The following DPY19L2 variants were observed in gnomAD, a reference collection of about 807,000 sequenced individuals.
DPY19L2 encodes the protein probable C-mannosyltransferase DPY19L2.
Under a neutral mutation model 97.9 loss-of-function variants are expected in DPY19L2, and 34 were observed. The observed-to-expected ratio is 0.35, with a 90% confidence interval of 0.26 to 0.46. The LOEUF (loss-of-function observed/expected upper bound fraction) is 0.46. DPY19L2 is among the 20% of genes least tolerant of loss of function. The pLI, the probability that DPY19L2 is intolerant of heterozygous loss-of-function variation, is 1.00. For synonymous variants in DPY19L2, 230 were observed against 307.9 expected (o/e 0.75, Z 2.65); for missense variants, 623 against 911.4 (o/e 0.68, Z 4.07).
At chr12:63,639,051 A>T (rs559446540) in intron 6 of DPY19L2, among the ~76,000 whole-genome samples, 1 of 152,176 alleles carries the variant, frequency 6.6e-6, no homozygotes, top group Admixed American at 6.5e-5. Flanking sequence ...ATAATGCTGC[A>T]TATCTACAAC....
intron 6 of DPY19L2, among the ~76,000 whole-genome samples, chr12:63,630,123 T>TA (rs1890325619): frequency 6.6e-6 from 1 of 152,066 alleles, no homozygotes; most frequent in Non-Finnish European, 1.5e-5. Flanking sequence ...TGCCAAATTG[T>TA]AAAGACCATC....
rs141376814 is a variant in DPY19L2, at chr12:63,560,476, C to T, written c.*36G>A. 1,144 of 1,594,656 alleles carry T rather than the reference C, an allele frequency of 7.2e-4. 7 individuals are homozygous for T. In the African/African-American group the frequency reaches 0.012, roughly 17 times the overall value. On this transcript the variant is annotated 3_prime_UTR_variant, in exon 22 of 22. Coordinates refer to ENST00000324472, the MANE Select transcript of DPY19L2 (RefSeq NM_173812.5). The stretch of plus-strand genomic sequence containing the variant: ...CCAAAGGGTGATTGTTTTTGACACA[C>T]GGCATTGTGCCATAGTAAAATGGGT...
At chr12:63,562,438 G>GTTTCCAGTTTGGGGCTAATACAGCATACT (rs1353874101) in intron 21 of DPY19L2, among the ~76,000 whole-genome samples, 1 of 152,026 alleles carries the variant, frequency 6.6e-6, no homozygotes, top group African/African-American at 2.4e-5. Flanking sequence ...ATAAATAAGT[G>GTTTCCAGTTTGGGGCTAATACAGCATACT]GATTGTTTCC....
chr12:63,656,363 T>C (rs1316933474), intron 4 of DPY19L2, among the ~76,000 whole-genome samples: 3 of 152,176 alleles, frequency 2.0e-5, no homozygotes, highest in African/African-American at 4.8e-5. Flanking sequence ...CCCTAGTCTA[T>C]TCATTCTGTT....
chr12:63,572,050 T>C (rs1053225060), intron 19 of DPY19L2, among the ~76,000 whole-genome samples: 3 of 152,148 alleles, frequency 2.0e-5, no homozygotes, highest in African/African-American at 7.2e-5. Context: ...AAAAGCACTT[T>C]CATAAGAACC....
At chr12:63,569,167 T>A in intron 21 of DPY19L2, 57 bp downstream of exon 21, 1 of 1,526,944 alleles carries the variant, frequency 6.5e-7, no homozygotes, top group Non-Finnish European at 8.7e-7. Context: ...TATAATAAAG[T>A]GAAACATTTG....
chr12:63,667,045 T>C (rs115790169), intron 1 of DPY19L2, among the ~76,000 whole-genome samples: 2,662 of 152,278 alleles, frequency 0.017, 99 homozygotes, highest in African/African-American at 0.061. Flanking sequence ...TCTTAAATAC[T>C]TCTCGGAAGA....
chr12:63,641,864 TATCAG>T (rs1477721793), intron 6 of DPY19L2, among the ~76,000 whole-genome samples: 2 of 152,166 alleles, frequency 1.3e-5, no homozygotes, highest in Non-Finnish European at 2.9e-5. Context: ...TCTTGAATGT[TATCAG>T]ATAATGTACA....
chr12:63,580,545 T>G, intron 19 of DPY19L2, 117 bp downstream of exon 19: 1 of 1,084,180 alleles, frequency 9.2e-7, no homozygotes, highest in Non-Finnish European at 1.3e-6. Context: ...TGCCTATTTG[T>G]AAATCTGTCA....
At chr12:63,601,951 G>C in intron 12 of DPY19L2, among the ~76,000 whole-genome samples, 1 of 151,928 alleles carries the variant, frequency 6.6e-6, no homozygotes, top group Admixed American at 6.6e-5. Context: ...ACTTGGACTA[G>C]AAAACACAAA....
chr12:63,664,349 C>CA (rs147843833), intron 2 of DPY19L2, among the ~76,000 whole-genome samples: 23,837 of 149,608 alleles, frequency 0.16, 2,162 homozygotes, highest in East Asian at 0.28. Context: ...AAAAAACAAA[C>CA]AAAAAAAAAC....
intron 6 of DPY19L2, among the ~76,000 whole-genome samples, chr12:63,630,041 A>T (rs536267526): frequency 3.0e-4 from 45 of 152,270 alleles, no homozygotes; most frequent in African/African-American, 9.6e-4. Context: ...CCACCAGGCC[A>T]GCCCTAAAAG....
intron 4 of DPY19L2, among the ~76,000 whole-genome samples, chr12:63,649,760 G>A (rs575728432): frequency 2.8e-4 from 43 of 152,164 alleles, no homozygotes; most frequent in South Asian, 1.7e-3. Context: ...AAAGGAGAGC[G>A]GATACCAATC....
intron 2 of DPY19L2, among the ~76,000 whole-genome samples, chr12:63,664,711 G>T (rs1014575952): frequency 6.6e-6 from 1 of 152,136 alleles, no homozygotes; most frequent in Non-Finnish European, 1.5e-5. Flanking sequence ...ATTAGCTATG[G>T]TCAACAATTA....
intron 9 of DPY19L2, among the ~76,000 whole-genome samples, chr12:63,618,729 C>T (rs796822928): frequency 1.9e-4 from 29 of 152,240 alleles, no homozygotes; most frequent in African/African-American, 6.7e-4. Context: ...TACGGATCAT[C>T]TCAATCTGAT....
rs1371561416 is a variant in DPY19L2 at position 63,661,555 on chromosome 12, A to T, written c.451-74T>A. The T allele has an allele frequency of 3.6e-6, 4 of 1,122,446 alleles. No individual in the cohort carries two copies. The African/African-American group carries it at 9.6e-5, about 27-fold the overall frequency. 69.5% of individuals were successfully genotyped at this position (1,122,446 alleles called of 1,614,324 possible). ...ATATTTATTTTTATCACTTCTTTAG[A>T]ACTTTTTTTCTGAAAAAAAAAAAAG... On this transcript the variant is annotated intron_variant, in intron 3 of 21. Transcript: ENST00000324472.
At chr12:63,650,476 T>TA (rs1390914784) in intron 4 of DPY19L2, among the ~76,000 whole-genome samples, 2 of 152,106 alleles carry the variant, frequency 1.3e-5, no homozygotes, top group Non-Finnish European at 1.5e-5. Context: ...CAGCAAACTT[T>TA]CCGGATGTAA....
chr12:63,649,791 A>T (rs1235483219), intron 4 of DPY19L2, among the ~76,000 whole-genome samples: 3 of 152,214 alleles, frequency 2.0e-5, no homozygotes, highest in East Asian at 3.9e-4. Context: ...TATTCCAAAA[A>T]CTTGAGGGAT....
intron 6 of DPY19L2, among the ~76,000 whole-genome samples, chr12:63,634,153 T>C (rs2137986836): frequency 6.6e-6 from 1 of 152,196 alleles, no homozygotes; most frequent in Middle Eastern, 3.4e-3. Context: ...ACATGGCACA[T>C]GCATACATAT....
Sources: allele counts gnomAD v4.1 joint callset (sites outside exome capture counted in the v4.1 genomes callset), GRCh38; gene constraint gnomAD v4.1.1; transcripts MANE v1.5; gene names NCBI Gene and HGNC (gene_info 2026-07-23, HGNC 2026-07-21).